Variants in COLQ observed in about 807,000 individuals in gnomAD.
The protein encoded by COLQ is acetylcholinesterase collagenic tail peptide.
COLQ carries 48 observed loss-of-function variants against 69.0 expected under a neutral mutation model. That is an observed-to-expected ratio of 0.70 (90% CI 0.55 to 0.88). The LOEUF (loss-of-function observed/expected upper bound fraction) is 0.88. COLQ is among the 40% of genes least tolerant of loss of function. COLQ has a pLI of 0.00. For synonymous variants in COLQ, 217 were observed against 211.2 expected (o/e 1.03, Z -0.24); for missense variants, 618 against 594.6 (o/e 1.04, Z -0.41).
Position 15,499,885 on chromosome 3 carries a change from G to A in COLQ, c.107-10248C>T, listed in dbSNP as rs1191795908. 2.6e-5 allele frequency among the ~76,000 whole-genome samples: 4 copies of A among 152,292 alleles called. No individual in the cohort carries two copies. In the South Asian group the frequency reaches 6.2e-4, roughly 24 times the overall value. Reference sequence around the variant, plus strand: ...AAGCTTTCTTACTTATAAAGTGGGCGTGCAAAGCCGACTTTGATAGTTTGC... The same window carrying A: ...AAGCTTTCTTACTTATAAAGTGGGCATGCAAAGCCGACTTTGATAGTTTGC... On this transcript the variant is annotated intron_variant, in intron 1 of 16. Transcript: ENST00000383788.
rs150517730 is a variant in COLQ at position 15,493,680 on chromosome 3, G to A, written c.107-4043C>T. 7.5e-3 allele frequency among the ~76,000 whole-genome samples: 1,148 copies of A among 152,342 alleles called. 19 individuals are homozygous for A. The highest frequency in any genetic ancestry group is 0.026 in the African/African-American group (1,063 of 41,568). ...GGGCAGCTAAGCAGAGCCTGCCCTGGACCAGACTCAGACCCAGTCTTTAGC... is the reference window on the plus strand; with the variant it reads ...GGGCAGCTAAGCAGAGCCTGCCCTGAACCAGACTCAGACCCAGTCTTTAGC... On this transcript the variant is annotated intron_variant, in intron 1 of 16. Coordinates refer to ENST00000383788, the MANE Select transcript of COLQ (RefSeq NM_005677.4).
At chr3:15,454,301 G>A (rs1211787194) in intron 15 of COLQ, among the ~76,000 whole-genome samples, 1 of 152,164 alleles carries the variant, frequency 6.6e-6, no homozygotes, top group Non-Finnish European at 1.5e-5. Flanking sequence ...GAGGGTGCAT[G>A]GTGACTCTCA....
chr3:15,487,027 C>T (rs1157067676), intron 3 of COLQ, among the ~76,000 whole-genome samples: 2 of 152,168 alleles, frequency 1.3e-5, no homozygotes, highest in Non-Finnish European at 2.9e-5. Context: ...TTTGCCAACC[C>T]CTGCCATTGA....
At chr3:15,490,519 A>G (rs1366377542) in intron 1 of COLQ, among the ~76,000 whole-genome samples, 1 of 152,270 alleles carries the variant, frequency 6.6e-6, no homozygotes, top group East Asian at 1.9e-4. Flanking sequence ...ATCATACAAT[A>G]TGAACTCTTG....
rs1432207239 is a variant in COLQ, at chr3:15,450,404, C to G, written c.*1240G>C. ...CACAGGCTCATTAAATAGCTTCGTA[C>G]AAAAACCCAAGGGTGTCCCTCCAGC... On this transcript the variant is annotated 3_prime_UTR_variant, in exon 17 of 17. Coordinates refer to ENST00000383788, the MANE Select transcript of COLQ (RefSeq NM_005677.4). The G allele has an allele frequency of 6.5e-6, 1 of 153,752 alleles. No individual in the cohort carries two copies. Among genetic ancestry groups the G allele is most frequent in the Non-Finnish European group, 1.5e-5 (1 of 68,054 alleles). The allele number at this position is 153,752 out of a possible 1,614,324, so 9.5% of individuals were successfully genotyped here.
rs760578882 is a variant in COLQ at position 15,470,637 on chromosome 3, G to A, written c.637-21C>T. 6 of 1,612,420 alleles carry A rather than the reference G, an allele frequency of 3.7e-6. No homozygotes were observed. The South Asian group carries it at 6.6e-5, about 18-fold the overall frequency. On this transcript the variant is annotated intron_variant, in intron 10 of 16. Transcript: ENST00000383788. ...TCACCCTGGAAAGAAGGAAAGAGAA[G>A]CAAGAGAGGACTTAGGGCATGTGGA...
Position 15,473,602 on chromosome 3 carries a change from A to T in COLQ, c.636+398T>A, listed in dbSNP as rs1185530581. 3.9e-5 allele frequency among the ~76,000 whole-genome samples: 6 copies of T among 152,186 alleles called. No individual in the cohort carries two copies. On this transcript the variant is annotated intron_variant, in intron 10 of 16. Transcript: ENST00000383788. This position sits in a 1 kb window ranked among gnomAD's most constrained non-coding sequence, Gnocchi z 4.0. Reference sequence around the variant, plus strand: ...GGCACAGTGACCTTAAGCTAAAGACACCTGTGCCTTACACTGAGGCCTGTG... The same window carrying T: ...GGCACAGTGACCTTAAGCTAAAGACTCCTGTGCCTTACACTGAGGCCTGTG...
chr3:15,461,811 G>GGAACCATCGT (rs2062118516), intron 12 of COLQ, among the ~76,000 whole-genome samples: 2 of 152,018 alleles, frequency 1.3e-5, no homozygotes, highest in South Asian at 4.2e-4. Context: ...CGATGGCGCT[G>GGAACCATCGT]GGACAGGGGT....
At chr3:15,501,884 T>C (rs1436261958) in intron 1 of COLQ, among the ~76,000 whole-genome samples, 1 of 152,240 alleles carries the variant, frequency 6.6e-6, no homozygotes, top group Non-Finnish European at 1.5e-5. Flanking sequence ...CACTTGTCCT[T>C]GTTGTAATGG....
chr3:15,503,346 G>A (rs978726630), intron 1 of COLQ, among the ~76,000 whole-genome samples: 2 of 152,176 alleles, frequency 1.3e-5, no homozygotes, highest in Non-Finnish European at 2.9e-5. Flanking sequence ...GCCCTCTGCA[G>A]TATAGAGAGA....
At chr3:15,459,858 C>CA (rs1445592144) in intron 12 of COLQ, among the ~76,000 whole-genome samples, 2 of 151,908 alleles carry the variant, frequency 1.3e-5, no homozygotes, top group African/African-American at 4.8e-5. Context: ...AGGTTAGTTA[C>CA]ATATGTATAC....
intron 1 of COLQ, chr3:15,498,481 A>T: frequency 6.5e-7 from 1 of 1,545,766 alleles, no homozygotes. Flanking sequence ...ACACACACAC[A>T]CACACGTGCA....
At chr3:15,474,402 A>C in intron 8 of COLQ, 130 bp from the exon 9 acceptor site, 2 of 943,286 alleles carry the variant, frequency 2.1e-6, no homozygotes, top group Non-Finnish European at 1.7e-6. Context: ...CAGATATGTC[A>C]GGTGACTTCT....
chr3:15,469,770 C>A (rs1024515932), intron 11 of COLQ, among the ~76,000 whole-genome samples: 1 of 152,186 alleles, frequency 6.6e-6, no homozygotes, highest in African/African-American at 2.4e-5. Flanking sequence ...AAGCTTGGAA[C>A]TACAACCATT....
chr3:15,466,739 T>C (rs2062206130), intron 11 of COLQ, among the ~76,000 whole-genome samples: 1 of 152,142 alleles, frequency 6.6e-6, no homozygotes, highest in Non-Finnish European at 1.5e-5. Context: ...GGCCTAGAAA[T>C]GAGCTATTTT....
intron 1 of COLQ, among the ~76,000 whole-genome samples, chr3:15,512,718 T>C (rs2063004148): frequency 6.6e-6 from 1 of 152,244 alleles, no homozygotes; most frequent in Non-Finnish European, 1.5e-5. Context: ...ACAGGAAATA[T>C]GTATATATCA....
intron 6 of COLQ, 50 bp from the exon 7 acceptor site, chr3:15,475,537 A>T: frequency 6.6e-7 from 1 of 1,522,118 alleles, no homozygotes; most frequent in Non-Finnish European, 8.9e-7. Flanking sequence ...TTTTAGAGAA[A>T]CTGAACCAGG....
intron 12 of COLQ, among the ~76,000 whole-genome samples, chr3:15,464,236 TG>T (rs1197173532): frequency 6.6e-6 from 1 of 152,166 alleles, no homozygotes; most frequent in African/African-American, 2.4e-5. Context: ...AGAATGGTTG[TG>T]GGGTGCTCCT....
intron 1 of COLQ, among the ~76,000 whole-genome samples, chr3:15,507,827 A>G (rs2062932045): frequency 6.6e-6 from 1 of 152,174 alleles, no homozygotes; most frequent in African/African-American, 2.4e-5. Context: ...TTTTGAAGCC[A>G]TTTATACTTT....
Sources: gnomAD v4.1 joint callset for allele counts (sites outside exome capture counted in the v4.1 genomes callset) on GRCh38, gnomAD v4.1.1 for gene constraint, Gnocchi (gnomAD v3.1) non-coding constraint, MANE v1.5 for transcripts, NCBI Gene and HGNC (gene_info 2026-07-23, HGNC 2026-07-21) for gene names.